Variants in SETBP1 observed in about 807,000 individuals in gnomAD.
SETBP1 encodes the protein SET-binding protein.
SETBP1 carries 9 observed loss-of-function variants against 101.0 expected under a neutral mutation model. That is an observed-to-expected ratio of 0.09 (90% confidence interval 0.05 to 0.16). The LOEUF (loss-of-function observed/expected upper bound fraction) is 0.16, where lower values mean the gene tolerates loss of function less well. Among genes scored for constraint, SETBP1 ranks in the 10% least tolerant of loss-of-function variants. The pLI is 1.00. For missense variants in SETBP1, 1,858 were observed against 2,033.8 expected, an observed-to-expected ratio of 0.91 and a Z score of 1.66; for synonymous variants, 818 against 788.5, an observed-to-expected ratio of 1.04 and a Z score of -0.63.
chr18:45,016,041 C>T (rs1599450974), intron 4 of SETBP1, among the ~76,000 whole-genome samples: 1 of 152,162 alleles, frequency 6.6e-6, no homozygotes, highest in African/African-American at 2.4e-5. Context: ...AGACAATCCA[C>T]CCTAGCATCA....
chr18:44,970,110 C>A (rs1370664727), intron 4 of SETBP1: 2 of 154,796 alleles, frequency 1.3e-5, no homozygotes, highest in African/African-American at 4.8e-5. Context: ...GAGCTGAGCA[C>A]TCATATAACG....
At chr18:44,962,346 G>C (rs1827778072) in intron 4 of SETBP1, among the ~76,000 whole-genome samples, 1 of 152,152 alleles carries the variant, frequency 6.6e-6, no homozygotes, top group Non-Finnish European at 1.5e-5. Flanking sequence ...AGTTGAGTGG[G>C]GATGGATTTT....
intron 3 of SETBP1, among the ~76,000 whole-genome samples, chr18:44,898,790 T>C (rs1054443770): frequency 5.3e-5 from 8 of 152,216 alleles, no homozygotes; most frequent in African/African-American, 1.7e-4. Context: ...AGCACCCACA[T>C]CACTCCAATG....
At chr18:44,684,637 A>G (rs2068808282) in intron 1 of SETBP1, among the ~76,000 whole-genome samples, 2 of 148,404 alleles carry the variant, frequency 1.3e-5, no homozygotes, top group Non-Finnish European at 3.0e-5. Flanking sequence ...TTGAAGAACC[A>G]TTAAATAATT....
chr18:44,987,752 A>G (rs1472696412), intron 4 of SETBP1: 1 of 152,232 alleles, frequency 6.6e-6, no homozygotes, highest in African/African-American at 2.4e-5. Flanking sequence ...CAAATTTAAT[A>G]TTGATAATAA....
chr18:44,758,497 C>T (rs12457774), intron 2 of SETBP1, among the ~76,000 whole-genome samples: 27,861 of 151,892 alleles, frequency 0.18, 2,904 homozygotes, highest in Non-Finnish European at 0.24. Flanking sequence ...ATTCTCCTGC[C>T]TCAGCCTCCC....
In SETBP1 at chr18:44,904,143, A is replaced by G. The variant is rs145626308; in HGVS notation, c.540+34860A>G. Among the ~76,000 whole-genome samples the G allele has an allele frequency of 1.5e-3, 232 of 152,348 alleles. 1 individual carries two copies. The highest frequency in any genetic ancestry group is 5.5e-3 in the African/African-American group (227 of 41,588). ...AATTTTGCAAACAGGAAATACAATTATTTTGGAGATGAGGCTTAGTGTGGA... is the reference window on the plus strand; with the variant it reads ...AATTTTGCAAACAGGAAATACAATTGTTTTGGAGATGAGGCTTAGTGTGGA... On this transcript the variant is annotated intron_variant, in intron 3 of 5. Transcript: ENST00000649279.
rs116014513 is a variant in SETBP1 at position 45,040,001 on chromosome 18, C to T, written c.4171+1346C>T. ...TTCCTTCCTGCAGGGCTTTCCGGGGCCTTGCATTGACCAATGTGCATTGGG... is the reference window on the plus strand; with the variant it reads ...TTCCTTCCTGCAGGGCTTTCCGGGGTCTTGCATTGACCAATGTGCATTGGG... On this transcript the variant is annotated intron_variant, in intron 5 of 5. Coordinates refer to ENST00000649279, the MANE Select transcript of SETBP1 (RefSeq NM_015559.3). 2.7e-3 allele frequency among the ~76,000 whole-genome samples: 409 copies of T among 152,266 alleles called. 2 individuals are homozygous for T. The highest frequency in any genetic ancestry group is 8.8e-3 in the African/African-American group (366 of 41,552).
chr18:44,835,607 T>TA (rs2072479106), intron 2 of SETBP1, among the ~76,000 whole-genome samples: 1 of 152,214 alleles, frequency 6.6e-6, no homozygotes, highest in Non-Finnish European at 1.5e-5. Flanking sequence ...ACCCTACATT[T>TA]AATACGTCTA....
In SETBP1 at chr18:44,950,408, G is replaced by A; in HGVS notation, c.1068G>A (p.Lys356=). The A allele has an allele frequency of 6.2e-7, 1 of 1,614,144 alleles. No homozygotes were observed. The highest frequency in any genetic ancestry group is 1.1e-5 in the South Asian group (1 of 91,082). The change falls in exon 4 of 6, where the codon AAG becomes AAA. Residue 356 remains lysine, a synonymous_variant. Coordinates refer to ENST00000649279, the MANE Select transcript of SETBP1 (RefSeq NM_015559.3). ...TIPNPDLDWV[K]NAQKAFDNTE... ...CAAACCCAGACCTGGATTGGGTCAAGAATGCCCAGAAAGCATTTGACAATA... is the reference window on the plus strand; with the variant it reads ...CAAACCCAGACCTGGATTGGGTCAAAAATGCCCAGAAAGCATTTGACAATA...
At position 45,038,624 on chromosome 18, in the gene SETBP1, C is replaced by A; in HGVS notation, c.4140C>A (p.Leu1380=). 6.2e-7 allele frequency: 1 copy of A among 1,614,186 alleles called. No individual in the cohort carries two copies. The highest frequency in any genetic ancestry group is 2.2e-5 in the East Asian group (1 of 44,884). ...VTIPPAPVLS[L]LAASAATSDA... is the part of the protein sequence containing the mutation. ...TTCCACCAGCCCCAGTGTTATCTCT[C>A]CTTGCTGCATCTGCAGCAACGTCGG... The change falls in exon 5 of 6, where the codon CTC becomes CTA. Residue 1380 remains leucine (L), a synonymous_variant. Coordinates refer to ENST00000649279, the MANE Select transcript of SETBP1 (RefSeq NM_015559.3).
chr18:45,006,882 C>G (rs559572703), intron 4 of SETBP1, among the ~76,000 whole-genome samples: 1 of 152,282 alleles, frequency 6.6e-6, no homozygotes, highest in South Asian at 2.1e-4. Context: ...CTCTGTTGCA[C>G]CAAGTGAACT....
intron 2 of SETBP1, among the ~76,000 whole-genome samples, chr18:44,823,802 AT>A (rs2072170601): frequency 6.6e-6 from 1 of 152,166 alleles, no homozygotes; most frequent in Non-Finnish European, 1.5e-5. Context: ...ATAAGAAATG[AT>A]TTTACTCCTT....
At chr18:44,819,698 C>T (rs983402636) in intron 2 of SETBP1, among the ~76,000 whole-genome samples, 98 of 152,156 alleles carry the variant, frequency 6.4e-4, no homozygotes, top group African/African-American at 2.3e-3. Context: ...AATTGTGTGC[C>T]CCCACTGAGA....
intron 4 of SETBP1, among the ~76,000 whole-genome samples, chr18:44,997,244 A>G (rs1028709762): frequency 2.0e-5 from 3 of 152,096 alleles, no homozygotes; most frequent in African/African-American, 7.2e-5. Context: ...GATATCACTC[A>G]TAGGGACCAT....
intron 2 of SETBP1, among the ~76,000 whole-genome samples, chr18:44,865,852 G>T (rs2069116906): frequency 6.6e-6 from 1 of 152,152 alleles, no homozygotes; most frequent in Non-Finnish European, 1.5e-5. Context: ...CCTTGCCTTT[G>T]GTTGTTTCCC....
intron 2 of SETBP1, among the ~76,000 whole-genome samples, chr18:44,767,171 T>A (rs966200787): frequency 6.6e-6 from 1 of 152,264 alleles, no homozygotes; most frequent in Non-Finnish European, 1.5e-5. Context: ...CAGGAAGTAG[T>A]CATCTCCCTC....
rs775942962 is a variant in SETBP1 at position 44,950,360 on chromosome 18, A to G, written c.1020A>G (p.Lys340=). ...TVGSKKKSSK[K]DVISQTIPNP... ...GCAGCAAGAAAAAGTCCAGTAAAAAAGATGTGATAAGTCAGACCATACCAA... is the reference window on the plus strand; with the variant it reads ...GCAGCAAGAAAAAGTCCAGTAAAAAGGATGTGATAAGTCAGACCATACCAA... The change falls in exon 4 of 6, where the codon AAA becomes AAG. Residue 340 remains lysine (K), a synonymous_variant. Transcript: ENST00000649279. The G allele has an allele frequency of 6.2e-7, 1 of 1,614,144 alleles. No individual in the cohort carries two copies. Among genetic ancestry groups the G allele is most frequent in the Non-Finnish European group, 8.5e-7 (1 of 1,180,054 alleles).
chr18:44,868,552 G>A (rs555117658), intron 2 of SETBP1, among the ~76,000 whole-genome samples: 9 of 152,082 alleles, frequency 5.9e-5, no homozygotes, highest in Middle Eastern at 3.4e-3. Flanking sequence ...AAAATTAGCC[G>A]GGCATGGTGG....
Sources: allele counts gnomAD v4.1 joint callset (sites outside exome capture counted in the v4.1 genomes callset), GRCh38; gene constraint gnomAD v4.1.1; transcripts MANE v1.5; gene names NCBI Gene and HGNC (gene_info 2026-07-23, HGNC 2026-07-21).